The following UBE2H variants were observed in gnomAD, a reference collection of about 807,000 sequenced individuals.
UBE2H encodes ubiquitin conjugating enzyme E2 H, also known as ubiquitin-conjugating enzyme E2 H.
In UBE2H, 3 loss-of-function variants were observed where a neutral mutation model predicts 29.0. The observed-to-expected ratio is 0.10, with a 90% CI of 0.05 to 0.27. UBE2H has a LOEUF of 0.27. Among genes scored for constraint, UBE2H ranks in the 10% least tolerant of loss-of-function variants. The pLI is 1.00. For synonymous variants in UBE2H, 69 were observed against 82.9 expected, an observed-to-expected ratio of 0.83 and a Z score of 0.91; for missense variants, 68 against 228.2, an observed-to-expected ratio of 0.30 and a Z score of 4.52.
chr7:129,845,408 C>T (rs1187038440), intron 5 of UBE2H, among the ~76,000 whole-genome samples: 1 of 152,154 alleles, frequency 6.6e-6, no homozygotes, highest in African/African-American at 2.4e-5. Flanking sequence ...AAGGAAAGGG[C>T]CATTTGCTCG....
intron 1 of UBE2H, among the ~76,000 whole-genome samples, chr7:129,938,879 ACC>A (rs1047967829): frequency 6.7e-6 from 1 of 150,344 alleles, no homozygotes; most frequent in Non-Finnish European, 1.5e-5. Context: ...GCTCCCTGCA[ACC>A]TCCACCTCCT....
At position 129,952,628 on chromosome 7, in the gene UBE2H, G is replaced by A. The variant is rs1807904492; in HGVS notation, c.-73C>T. 2 of 1,552,638 alleles carry A rather than the reference G, an allele frequency of 1.3e-6. No individual in the cohort carries two copies. Among genetic ancestry groups the A allele is most frequent in the Non-Finnish European group, 1.7e-6 (2 of 1,150,118 alleles). On this transcript the variant is annotated 5_prime_UTR_variant, in exon 1 of 7. Transcript: ENST00000355621. ...CCGGGGCCCCGGCTCTGAGGAGCCC[G>A]CGGCCGCGCCGGCTCCTCGGTGGAG...
At chr7:129,864,552 C>CTTTTTTTTTTTTTTTTTTT (rs757244811) in intron 3 of UBE2H, among the ~76,000 whole-genome samples, 2 of 75,672 alleles carry the variant, frequency 2.6e-5, no homozygotes, top group Admixed American at 1.9e-4. Context: ...TTTTTCTTTT[C>CTTTTTTTTTTTTTTTTTTT]TTTCTTTTTT....
At chr7:129,845,670 GA>G (rs935801672) in intron 5 of UBE2H, among the ~76,000 whole-genome samples, 1 of 152,208 alleles carries the variant, frequency 6.6e-6, no homozygotes, top group Non-Finnish European at 1.5e-5. Context: ...ATCTGGCAGA[GA>G]AAATTCCATT....
chr7:129,946,018 G>A (rs992300862), intron 1 of UBE2H, among the ~76,000 whole-genome samples: 2 of 151,026 alleles, frequency 1.3e-5, no homozygotes, highest in African/African-American at 4.9e-5. Context: ...AGTGCTGGAT[G>A]TATAGGCATG....
At chr7:129,913,986 C>T (rs1806992980) in intron 1 of UBE2H, among the ~76,000 whole-genome samples, 2 of 152,116 alleles carry the variant, frequency 1.3e-5, no homozygotes, top group South Asian at 4.1e-4. Context: ...CACATATCTG[C>T]TTGTCTTCCC....
intron 3 of UBE2H, among the ~76,000 whole-genome samples, chr7:129,873,337 TATTGTATTGCCC>T (rs1806081267): frequency 6.6e-6 from 1 of 151,906 alleles, no homozygotes. Flanking sequence ...GTATTTTAAC[TATTGTATTGCCC>T]ATGACTTTTT....
At chr7:129,944,532 G>A (rs1205281590) in intron 1 of UBE2H, among the ~76,000 whole-genome samples, 5 of 152,072 alleles carry the variant, frequency 3.3e-5, no homozygotes, top group Non-Finnish European at 1.5e-5. Context: ...AAGGCCAGAG[G>A]ATCACTTAAG....
intron 3 of UBE2H, among the ~76,000 whole-genome samples, chr7:129,867,828 A>G (rs1021623315): frequency 2.6e-5 from 4 of 151,690 alleles, no homozygotes; most frequent in African/African-American, 9.7e-5. Context: ...TTAAAAAACA[A>G]GCACACACAC....
At chr7:129,865,968 A>G (rs1805896708) in intron 3 of UBE2H, among the ~76,000 whole-genome samples, 1 of 152,138 alleles carries the variant, frequency 6.6e-6, no homozygotes, top group Non-Finnish European at 1.5e-5. Flanking sequence ...TGCCAGCTCC[A>G]CTAGTGACAG....
At chr7:129,893,144 A>C (rs1436798198) in intron 1 of UBE2H, among the ~76,000 whole-genome samples, 1 of 152,208 alleles carries the variant, frequency 6.6e-6, no homozygotes, top group African/African-American at 2.4e-5. Flanking sequence ...AGTAAGGTTA[A>C]ATGGCAAGCA....
At chr7:129,924,826 C>T (rs1013630194) in intron 1 of UBE2H, among the ~76,000 whole-genome samples, 3 of 151,994 alleles carry the variant, frequency 2.0e-5, no homozygotes, top group South Asian at 2.1e-4. Flanking sequence ...AAGCCCTGGA[C>T]GGTCCTCCAG....
chr7:129,879,721 C>T lies in UBE2H; in HGVS notation c.131-79G>A, dbSNP rs779332750. The T allele has an allele frequency of 5.3e-6, 7 of 1,319,786 alleles. No homozygotes were observed. In the East Asian group the frequency reaches 9.3e-5, roughly 18 times the overall value. 81.8% of individuals were successfully genotyped at this position (1,319,786 alleles called of 1,614,324 possible). A position where few individuals can be genotyped will look rare whatever the true frequency, so the allele number is the denominator to read the frequency against. ...AATCTGAGTGTAAATTAAACATTAT[C>T]CCCTAATCTTCTGAAAACCTTCCAA... On this transcript the variant is annotated intron_variant, in intron 2 of 6. Coordinates refer to ENST00000355621, the MANE Select transcript of UBE2H (RefSeq NM_003344.4).
intron 1 of UBE2H, among the ~76,000 whole-genome samples, chr7:129,929,397 T>C (rs1256599631): frequency 6.6e-6 from 1 of 151,906 alleles, no homozygotes; most frequent in African/African-American, 2.4e-5. Context: ...TCCAGTATGT[T>C]TCCTTCTCCT....
rs189586877 is a variant in UBE2H at position 129,932,064 on chromosome 7, C to T, written c.53+20439G>A. ...GTCTCAAACTCCTGACCACGTGATC[C>T]GCCTGCCTCGGCCTCCCAAAGTGCT... On this transcript the variant is annotated intron_variant, in intron 1 of 6. Coordinates refer to ENST00000355621, the MANE Select transcript of UBE2H (RefSeq NM_003344.4). Among the ~76,000 whole-genome samples the T allele has an allele frequency of 3.2e-4, 49 of 151,252 alleles. 1 individual carries two copies. The highest frequency in any genetic ancestry group is 2.6e-3 in the Admixed American group (40 of 15,154).
intron 3 of UBE2H, among the ~76,000 whole-genome samples, chr7:129,864,799 A>G (rs961345340): frequency 6.6e-6 from 1 of 151,384 alleles, no homozygotes. Flanking sequence ...TGATCCACCC[A>G]CCTCAGCCTA....
At chr7:129,929,303 G>A (rs1807339239) in intron 1 of UBE2H, among the ~76,000 whole-genome samples, 1 of 143,188 alleles carries the variant, frequency 7.0e-6, no homozygotes, top group Admixed American at 7.2e-5. Flanking sequence ...GGCAACAAGA[G>A]TGAAACTCCA....
At chr7:129,844,963 T>C (rs535200427) in intron 5 of UBE2H, among the ~76,000 whole-genome samples, 2 of 152,296 alleles carry the variant, frequency 1.3e-5, no homozygotes, top group East Asian at 3.9e-4. Flanking sequence ...ACCCTGTCTC[T>C]ACTAAAAATA....
chr7:129,878,774 G>A (rs932325062), intron 3 of UBE2H, among the ~76,000 whole-genome samples: 5 of 147,012 alleles, frequency 3.4e-5, no homozygotes, highest in African/African-American at 1.3e-4. Flanking sequence ...GATTCTCAGA[G>A]AATGCTCAAT....
Sources: gnomAD v4.1 joint callset for allele counts (sites outside exome capture counted in the v4.1 genomes callset) on GRCh38, gnomAD v4.1.1 for gene constraint, MANE v1.5 for transcripts, NCBI Gene and HGNC (gene_info 2026-07-23, HGNC 2026-07-21) for gene names.